Variants in TEX10 observed in about 807,000 individuals in gnomAD.
TEX10 encodes testis-expressed protein 10.
TEX10 carries 24 observed loss-of-function variants against 104.4 expected under a neutral mutation model. That is an observed-to-expected ratio of 0.23 (90% confidence interval 0.17 to 0.32). The LOEUF (loss-of-function observed/expected upper bound fraction) is 0.32. Among genes scored for constraint, TEX10 ranks in the 10% least tolerant of loss-of-function variants. The probability of loss-of-function intolerance (pLI) is 1.00; values close to 1 mark genes in which losing one functional copy is unlikely to be tolerated. For missense variants in TEX10, 921 were observed against 1,083.9 expected, an observed-to-expected ratio of 0.85 and a Z score of 2.11; for synonymous variants, 396 against 393.4, an observed-to-expected ratio of 1.01 and a Z score of -0.08.
Position 100,342,702 on chromosome 9 carries a change from G to A in TEX10, c.1138-2333C>T, listed in dbSNP as rs1337691581. Among the ~76,000 whole-genome samples the A allele has an allele frequency of 7.9e-5, 12 of 152,068 alleles. No homozygotes were observed. In the East Asian group the frequency reaches 1.9e-3, roughly 24 times the overall value. On this transcript the variant is annotated intron_variant, in intron 4 of 14. Transcript: ENST00000374902. ...AGGATAAAAGCAATGAGACACACAC[G>A]TAGAGAAAAAGTAGCAAGCAAGTCA...
At chr9:100,333,712 T>C (rs1834934595) in intron 5 of TEX10, among the ~76,000 whole-genome samples, 1 of 149,846 alleles carries the variant, frequency 6.7e-6, no homozygotes, top group South Asian at 2.1e-4. Context: ...ACACTCCCCA[T>C]TTTCAAGACT....
At chr9:100,310,714 C>A (rs1390173447) in intron 11 of TEX10, among the ~76,000 whole-genome samples, 4 of 152,222 alleles carry the variant, frequency 2.6e-5, no homozygotes, top group African/African-American at 7.2e-5. Flanking sequence ...GCTAAGATCA[C>A]AGGTGTGAGC....
At chr9:100,331,362 A>C (rs1290277913) in intron 5 of TEX10, among the ~76,000 whole-genome samples, 1 of 152,258 alleles carries the variant, frequency 6.6e-6, no homozygotes, top group African/African-American at 2.4e-5. Context: ...ACTTAAGCCC[A>C]GGAGTTTGAG....
At chr9:100,332,820 CAA>C (rs554324128) in intron 5 of TEX10, among the ~76,000 whole-genome samples, 1 of 140,188 alleles carries the variant, frequency 7.1e-6, no homozygotes, top group Non-Finnish European at 1.6e-5. Flanking sequence ...AACTCCATCT[CAA>C]AAAAAAAAAA....
chr9:100,324,352 T>C (rs1156331483), intron 9 of TEX10, among the ~76,000 whole-genome samples: 3 of 152,060 alleles, frequency 2.0e-5, no homozygotes, highest in South Asian at 2.1e-4. Context: ...TATGACCCTA[T>C]GAAAAGTGAT....
chr9:100,314,585 C>A (rs1452316729), intron 11 of TEX10, among the ~76,000 whole-genome samples: 1 of 152,012 alleles, frequency 6.6e-6, no homozygotes, highest in Non-Finnish European at 1.5e-5. Context: ...CTTTTCATTT[C>A]TTTTTTTGTC....
intron 6 of TEX10, 64 bp from the exon 7 acceptor site, chr9:100,329,339 T>C: frequency 6.4e-7 from 1 of 1,559,528 alleles, no homozygotes; most frequent in Non-Finnish European, 8.6e-7. Context: ...CCCAAATTCC[T>C]CTGAATGCAC....
chr9:100,308,896 A>AGCAC (rs1834205869), intron 12 of TEX10, among the ~76,000 whole-genome samples: 1 of 152,216 alleles, frequency 6.6e-6, no homozygotes, highest in South Asian at 2.1e-4. Context: ...AAACACAAGA[A>AGCAC]GTGCTATTAA....
At chr9:100,312,921 C>G (rs1023560444) in intron 11 of TEX10, among the ~76,000 whole-genome samples, 4 of 151,990 alleles carry the variant, frequency 2.6e-5, no homozygotes, top group African/African-American at 9.7e-5. Flanking sequence ...CAAACAAAGC[C>G]ATGAGAGAAA....
intron 5 of TEX10, among the ~76,000 whole-genome samples, chr9:100,333,002 G>GTTTTTTGT (rs1834907393): frequency 6.6e-6 from 1 of 151,340 alleles, no homozygotes; most frequent in African/African-American, 2.4e-5. Context: ...ATTCCTACCT[G>GTTTTTTGT]TTTTTTGTTT....
chr9:100,302,937 C>T (rs35491546), intron 14 of TEX10, among the ~76,000 whole-genome samples: 4 of 112,862 alleles, frequency 3.5e-5, no homozygotes, highest in Non-Finnish European at 6.2e-5. Flanking sequence ...CGCCCCCCCC[C>T]CAAACTAAAA....
chr9:100,338,488 C>G (rs1453426407), intron 5 of TEX10, among the ~76,000 whole-genome samples: 3 of 152,188 alleles, frequency 2.0e-5, no homozygotes, highest in Non-Finnish European at 4.4e-5. Flanking sequence ...CTTCTTTGTT[C>G]TCCCAGTTCT....
chr9:100,340,031 T>C, intron 5 of TEX10, among the ~76,000 whole-genome samples: 1 of 152,190 alleles, frequency 6.6e-6, no homozygotes, highest in East Asian at 1.9e-4. Context: ...TACATTCATC[T>C]AGCACAAAAA....
At chr9:100,309,009 CAAAG>C (rs1834208431) in intron 12 of TEX10, among the ~76,000 whole-genome samples, 2 of 152,240 alleles carry the variant, frequency 1.3e-5, no homozygotes, top group East Asian at 1.9e-4. Flanking sequence ...TTCATGCACT[CAAAG>C]AAAATCTGAA....
At chr9:100,312,205 C>T (rs1376586661) in intron 11 of TEX10, among the ~76,000 whole-genome samples, 1 of 152,192 alleles carries the variant, frequency 6.6e-6, no homozygotes, top group Admixed American at 6.5e-5. Context: ...CATCACTTCC[C>T]TTCTGCCTCC....
chr9:100,342,123 C>T (rs1350564356), intron 4 of TEX10, among the ~76,000 whole-genome samples: 1 of 152,178 alleles, frequency 6.6e-6, no homozygotes, highest in Non-Finnish European at 1.5e-5. Context: ...ACCTCAAAGC[C>T]ATTGTACTTG....
chr9:100,310,283 GT>G lies in TEX10; in HGVS notation c.2283+15del. ...CCTGTGTTCATTCTTAAGAGAAAAA[GT>G]TTAAGGATACTTACCAAATGCTTAC... is the stretch of plus-strand genomic sequence containing the variant. On this transcript the variant is annotated intron_variant, in intron 12 of 14. Coordinates refer to ENST00000374902, the MANE Select transcript of TEX10 (RefSeq NM_017746.4). 2 of 1,611,068 alleles carry G rather than the reference GT, an allele frequency of 1.2e-6. No homozygotes were observed. Among genetic ancestry groups the G allele is most frequent in the South Asian group, 2.2e-5 (2 of 90,910 alleles).
At chr9:100,331,840 A>G (rs2118893809) in intron 5 of TEX10, among the ~76,000 whole-genome samples, 1 of 152,358 alleles carries the variant, frequency 6.6e-6, no homozygotes, top group African/African-American at 2.4e-5. Flanking sequence ...CAGGGTCAAT[A>G]CTGGTATGAA....
intron 9 of TEX10, among the ~76,000 whole-genome samples, chr9:100,323,889 A>G (rs533922262): frequency 4.6e-5 from 7 of 152,236 alleles, no homozygotes; most frequent in Non-Finnish European, 7.3e-5. Context: ...CAGGATGCAT[A>G]GGACTGAGAA....
Sources: allele counts gnomAD v4.1 joint callset (sites outside exome capture counted in the v4.1 genomes callset), GRCh38; gene constraint gnomAD v4.1.1; transcripts MANE v1.5; gene names NCBI Gene and HGNC (gene_info 2026-07-23, HGNC 2026-07-21).